The following TRIM33 variants were observed in gnomAD, a reference collection of about 807,000 sequenced individuals.
TRIM33 encodes the protein E3 ubiquitin-protein ligase TRIM33.
In TRIM33, 20 loss-of-function variants were observed where a neutral mutation model predicts 125.4. The ratio of observed to expected loss-of-function variants is 0.16; its 90% CI spans 0.11 to 0.23. The LOEUF is 0.23. Among genes scored for constraint, TRIM33 ranks in the 10% least tolerant of loss-of-function variants. The pLI is 1.00. For synonymous variants in TRIM33, 564 were observed against 513.9 expected (o/e 1.10, Z -1.32); for missense variants, 920 against 1,411.4 (o/e 0.65, Z 5.58).
At chr1:114,465,280 A>G (rs529017810) in intron 1 of TRIM33, among the ~76,000 whole-genome samples, 43 of 152,366 alleles carry the variant, frequency 2.8e-4, no homozygotes, top group Admixed American at 9.1e-4. Context: ...CAGAGTCAAC[A>G]CAACAAACTG....
At chr1:114,430,757 A>T in intron 6 of TRIM33, 41 bp downstream of exon 6, 1 of 1,036,664 alleles carries the variant, frequency 9.6e-7, no homozygotes, top group Non-Finnish European at 1.5e-6. Context: ...GCTAAAGAGC[A>T]AGAGAAGCAG....
At chr1:114,420,936 A>G (rs990447695) in intron 11 of TRIM33, among the ~76,000 whole-genome samples, 5 of 152,246 alleles carry the variant, frequency 3.3e-5, no homozygotes, top group African/African-American at 1.2e-4. Context: ...TGTTCATTTC[A>G]GCATTATCCA....
At position 114,494,442 on chromosome 1, in the gene TRIM33, A is replaced by T. The variant is rs1033339041; in HGVS notation, c.526+16109T>A. 8.5e-5 allele frequency among the ~76,000 whole-genome samples: 13 copies of T among 152,210 alleles called. No individual in the cohort carries two copies. In the East Asian group the frequency reaches 2.5e-3, roughly 29 times the overall value. ...GAGGCTTCTCAATATCCAGCTTCGT[A>T]TACTTATTTAACTTTTCAACCAGTG... On this transcript the variant is annotated intron_variant, in intron 1 of 19. Transcript: ENST00000358465.
In TRIM33 at chr1:114,424,715, T is replaced by C; in HGVS notation, c.1736A>G (p.Asn579Ser). 6.2e-7 allele frequency: 1 copy of C among 1,607,994 alleles called. No individual in the cohort carries two copies. Among genetic ancestry groups the C allele is most frequent in the African/African-American group, 1.3e-5 (1 of 74,868 alleles). ...LISVQTMQRG[N>S]MNCGAFQAHQ... ...GGCTTGAAAAGCTCCACAGTTCATG[T>C]TGCCTCTTTGCATTGTTTGCACACT... is the stretch of plus-strand genomic sequence containing the variant. Residue 579 changes from asparagine to serine, a missense_variant, in exon 10 of 20, where the codon AAC (asparagine) becomes AGC (serine). Asn to Ser is a conservative substitution (Grantham distance 46). This residue lies in a region of TRIM33 where 407 missense variants were observed against 589.7 expected (regional missense o/e 0.69). Coordinates refer to ENST00000358465, the MANE Select transcript of TRIM33 (RefSeq NM_015906.4).
chr1:114,508,922 C>T (rs1348919235), intron 1 of TRIM33, among the ~76,000 whole-genome samples: 1 of 152,220 alleles, frequency 6.6e-6, no homozygotes. Context: ...AAAAGGTCAT[C>T]TGCCCAAGTC....
chr1:114,477,356 A>C (rs147697019), intron 1 of TRIM33, among the ~76,000 whole-genome samples: 110 of 152,226 alleles, frequency 7.2e-4, no homozygotes, highest in African/African-American at 2.5e-3. Flanking sequence ...GGAAAAAAAA[A>C]AAACAAAAAC....
Position 114,511,019 on chromosome 1 carries a change from C to T in TRIM33, c.58G>A (p.Ala20Thr). Residue 20 changes from alanine (A) to threonine (T), a missense_variant, in exon 1 of 20, where the codon GCG becomes ACG. Around this residue, in one of 8 missense-constraint regions of TRIM33, gnomAD observed 233 missense variants for 189.6 expected, o/e 1.23. Transcript: ENST00000358465. The stretch of plus-strand genomic sequence containing the variant: ...CCGGCGGCCCCGGCAGTTACCGGCG[C>T]GCTGCCGCTGCCCCCGCCGCCGCTC... Reference protein sequence around the residue: ...AESGGGGSGSAPVTAGAAGPA... With the variant: ...AESGGGGSGSTPVTAGAAGPA... The T allele has an allele frequency of 1.5e-6, 2 of 1,320,428 alleles. No homozygotes were observed. Among genetic ancestry groups the T allele is most frequent in the Non-Finnish European group, 1.9e-6 (2 of 1,035,426 alleles). 81.8% of individuals were successfully genotyped at this position (1,320,428 alleles called of 1,614,324 possible). A position where few individuals can be genotyped will look rare whatever the true frequency, so the allele number is the denominator to read the frequency against.
chr1:114,427,601 T>TG (rs1266523014), intron 7 of TRIM33, 147 bp downstream of exon 7: 2 of 741,886 alleles, frequency 2.7e-6, no homozygotes. Flanking sequence ...GAGGAAACTT[T>TG]GGGGGGTGGT....
intron 11 of TRIM33, 72 bp downstream of exon 11, chr1:114,421,363 AC>A (rs1166177584): frequency 1.5e-6 from 2 of 1,358,830 alleles, no homozygotes; most frequent in Non-Finnish European, 2.0e-6. Flanking sequence ...AAAAAAAAAA[AC>A]TCTGAAATAA....
At chr1:114,494,617 A>G (rs1005531908) in intron 1 of TRIM33, among the ~76,000 whole-genome samples, 1 of 152,226 alleles carries the variant, frequency 6.6e-6, no homozygotes, top group Non-Finnish European at 1.5e-5. Context: ...AAAAAGGTAG[A>G]CAAACCACAG....
chr1:114,429,317 A>G (rs1234949621), intron 6 of TRIM33, among the ~76,000 whole-genome samples: 2 of 151,496 alleles, frequency 1.3e-5, no homozygotes, highest in East Asian at 3.9e-4. Context: ...CCTCCTGAGT[A>G]GCTGGGATTA....
At chr1:114,421,785 T>G in intron 10 of TRIM33, 149 bp from the exon 11 acceptor site, 1 of 735,544 alleles carries the variant, frequency 1.4e-6, no homozygotes, top group Non-Finnish European at 2.2e-6. Flanking sequence ...CAGTTCAAAC[T>G]CAGCCTTTTC....
chr1:114,394,212 A>G lies in TRIM33; in HGVS notation c.*3436T>C, dbSNP rs148085403. ...CTGATCCGATGCTGAGTATGCAAAT[A>G]AGCAGTGCTGATTTTGACAAGAAAT... is the stretch of plus-strand genomic sequence containing the variant. On this transcript the variant is annotated 3_prime_UTR_variant, in exon 20 of 20. Coordinates refer to ENST00000358465, the MANE Select transcript of TRIM33 (RefSeq NM_015906.4). 8.0e-3 allele frequency: 1,826 copies of G among 229,564 alleles called. 22 individuals are homozygous for G. Among genetic ancestry groups the G allele is most frequent in the African/African-American group, 0.025 (1,137 of 45,244 alleles). The allele number at this position is 229,564 out of a possible 1,614,324, so 14.2% of individuals were successfully genotyped here. A position where few individuals can be genotyped will look rare whatever the true frequency, so the allele number is the denominator to read the frequency against.
intron 4 of TRIM33, among the ~76,000 whole-genome samples, chr1:114,437,824 C>T (rs1377267181): frequency 1.3e-5 from 2 of 152,128 alleles, no homozygotes; most frequent in Non-Finnish European, 2.9e-5. Flanking sequence ...CAGAATTAAT[C>T]AGCATGCTTA....
chr1:114,457,794 T>C (rs919687224), intron 4 of TRIM33, among the ~76,000 whole-genome samples: 1 of 152,174 alleles, frequency 6.6e-6, no homozygotes, highest in African/African-American at 2.4e-5. Context: ...GCCACCACTG[T>C]GATTACAGAA....
Position 114,406,948 on chromosome 1 carries a change from G to A in TRIM33, c.2411C>T (p.Ala804Val). Residue 804 changes from alanine (A) to valine (V), a missense_variant, in exon 14 of 20, where the codon GCT (alanine) becomes GTT (valine). Physicochemically the swap from Ala to Val is moderately conservative, Grantham distance 64. Around this residue, in one of 8 missense-constraint regions of TRIM33, gnomAD observed 407 missense variants for 589.7 expected, o/e 0.69. Transcript: ENST00000358465. ...QEKTEDGRRS[A>V]CMLSSPESSL... ...ACTCCAGTGGGAGCTTACCATGCAA[G>A]CACTCCTCCTGCCATCCTCTGTTTT... 9 of 1,613,328 alleles carry A rather than the reference G, an allele frequency of 5.6e-6. No individual in the cohort carries two copies. The highest frequency in any genetic ancestry group is 7.6e-6 in the Non-Finnish European group (9 of 1,179,570).
At chr1:114,420,286 A>C (rs778203881) in intron 11 of TRIM33, 4 of 593,018 alleles carry the variant, frequency 6.7e-6, no homozygotes, top group African/African-American at 5.7e-5. Context: ...TATAAGCCTC[A>C]AAGTGTCTAC....
At position 114,410,229 on chromosome 1, in the gene TRIM33, T is replaced by C. The variant is rs1183484126; in HGVS notation, c.2149A>G (p.Met717Val). 2 of 1,613,980 alleles carry C rather than the reference T, an allele frequency of 1.2e-6. No individual in the cohort carries two copies. The highest frequency in any genetic ancestry group is 1.7e-5 in the Admixed American group (1 of 59,976). ...GCAGAGGGACCTGGAGAAGGATTCA[T>C]GGTGCTTGTAGGCTGTGGGGGTAGG... is the stretch of plus-strand genomic sequence containing the variant. ...SHLPPQPTST[M>V]NPSPGPSALS... The change falls in exon 12 of 20, where the codon ATG becomes GTG. Residue 717 changes from methionine (M) to valine (V), a missense_variant. By Grantham distance (21) the Met-to-Val change is conservative. Coordinates refer to ENST00000358465, the MANE Select transcript of TRIM33 (RefSeq NM_015906.4).
intron 10 of TRIM33, 86 bp downstream of exon 10, chr1:114,424,505 T>A (rs1647423421): frequency 1.6e-6 from 2 of 1,250,996 alleles, no homozygotes; most frequent in East Asian, 4.9e-5. Flanking sequence ...AACACATCAA[T>A]GACCTGCTCC....
Sources: gnomAD v4.1 joint callset for allele counts (sites outside exome capture counted in the v4.1 genomes callset) on GRCh38, gnomAD v4.1.1 for gene constraint, gnomAD v4.1.1 regional missense constraint, MANE v1.5 for transcripts, NCBI Gene and HGNC (gene_info 2026-07-23, HGNC 2026-07-21) for gene names.